The following LAMA2 variants were observed in gnomAD, a reference collection of about 807,000 sequenced individuals.
LAMA2 encodes laminin subunit alpha 2.
LAMA2 carries 269 observed loss-of-function variants against 364.8 expected under a neutral mutation model. The observed-to-expected ratio is 0.74, with a 90% CI of 0.67 to 0.82. The LOEUF is 0.82. Ranked by LOEUF, LAMA2 falls within the 40% of genes least tolerant of loss-of-function variation. LAMA2 has a pLI of 0.00. For missense variants in LAMA2, 3,807 were observed against 3,873.2 expected (o/e 0.98, Z 0.45); for synonymous variants, 1,379 against 1,370.6 (o/e 1.01, Z -0.14).
chr6:129,327,814 G>C (rs902416534), intron 28 of LAMA2, among the ~76,000 whole-genome samples: 2 of 152,064 alleles, frequency 1.3e-5, no homozygotes, highest in African/African-American at 4.8e-5. Context: ...TACTTTTATA[G>C]TCTTTAAATT....
intron 1 of LAMA2, among the ~76,000 whole-genome samples, chr6:128,903,011 C>G (rs1308580757): frequency 6.6e-6 from 1 of 152,036 alleles, no homozygotes; most frequent in Non-Finnish European, 1.5e-5. Flanking sequence ...TGTATTATTT[C>G]ATATTAACAC....
At chr6:129,473,484 C>A in intron 52 of LAMA2, 132 bp downstream of exon 52, 2 of 780,510 alleles carry the variant, frequency 2.6e-6, no homozygotes, top group Admixed American at 2.3e-5. Context: ...TAATCAAAAA[C>A]ATCATGTTGC....
intron 1 of LAMA2, among the ~76,000 whole-genome samples, chr6:129,012,645 C>T (rs891982045): frequency 6.6e-6 from 1 of 152,142 alleles, no homozygotes; most frequent in African/African-American, 2.4e-5. Context: ...CAAGAATATT[C>T]TGTATCTTTT....
chr6:129,465,124 G>T lies in LAMA2; in HGVS notation c.7156-21G>T, dbSNP rs77457449. ...CTTCTCTGTGTATCTAACCACTGGGGTATGTTTACTCTATTAATAGAGAGA... is the reference window on the plus strand; with the variant it reads ...CTTCTCTGTGTATCTAACCACTGGGTTATGTTTACTCTATTAATAGAGAGA... On this transcript the variant is annotated intron_variant, in intron 50 of 64. Transcript: ENST00000421865. 3,548 of 1,595,168 alleles carry T rather than the reference G, an allele frequency of 2.2e-3. 60 individuals carry two copies. The African/African-American group carries it at 0.04, about 18-fold the overall frequency.
At chr6:129,458,431 A>G (rs1343187231) in intron 48 of LAMA2, among the ~76,000 whole-genome samples, 1 of 152,120 alleles carries the variant, frequency 6.6e-6, no homozygotes, top group African/African-American at 2.4e-5. Flanking sequence ...AAGAATTTCA[A>G]GACTACTGCC....
In LAMA2 at chr6:129,143,909, C is replaced by G. The variant is rs1778269854; in HGVS notation, c.648C>G (p.Ile216Met). The G allele has an allele frequency of 1.3e-6, 2 of 1,595,746 alleles. No individual in the cohort carries two copies. Among genetic ancestry groups the G allele is most frequent in the Non-Finnish European group, 1.7e-6 (2 of 1,164,706 alleles). The change falls in exon 5 of 65, where the codon ATC (isoleucine) becomes ATG (methionine). Residue 216 changes from isoleucine (I) to methionine (M), a missense_variant. Ile to Met is a conservative substitution (Grantham distance 10, BLOSUM62 1). Coordinates refer to ENST00000421865, the MANE Select transcript of LAMA2 (RefSeq NM_000426.4). ...TTTTTCATATTGTGTAGATTCACAT[C>G]TCTTTAATCAATGGGAGACCAAGTG... ...IHPLENGEIH[I>M]SLINGRPSAD...
intron 10 of LAMA2, among the ~76,000 whole-genome samples, chr6:129,183,008 T>G (rs956452159): frequency 6.6e-6 from 1 of 151,962 alleles, no homozygotes; most frequent in East Asian, 1.9e-4. Flanking sequence ...ATTATTACAT[T>G]TTACACATAA....
chr6:129,459,084 A>C (rs73777422), intron 48 of LAMA2, among the ~76,000 whole-genome samples: 2,080 of 152,012 alleles, frequency 0.014, 55 homozygotes, highest in African/African-American at 0.048. Context: ...AAACATCATA[A>C]AGTGTACAGT....
chr6:129,489,360 AC>A (rs34436703), intron 56 of LAMA2, among the ~76,000 whole-genome samples: 48,564 of 151,250 alleles, frequency 0.32, 8,347 homozygotes, highest in African/African-American at 0.46. Flanking sequence ...TCTCCCTTCC[AC>A]CCCTTCATCT....
Position 129,402,208 on chromosome 6 carries a change from CAAAAAAAAA to C in LAMA2, c.5563-105_5563-97del, listed in dbSNP as rs372396435. The C allele has an allele frequency of 8.0e-5, 36 of 448,184 alleles. No individual in the cohort carries two copies. In the East Asian group the frequency reaches 1.5e-3, roughly 18 times the overall value. 27.8% of individuals were successfully genotyped at this position (448,184 alleles called of 1,614,324 possible). A position where few individuals can be genotyped will look rare whatever the true frequency, so the allele number is the denominator to read the frequency against. ...TGGGTGACAGAGCAAGACTCTGTCT[CAAAAAAAAA>C]AAAAAAAAAACTAAACTAAACGTGT... On this transcript the variant is annotated intron_variant, in intron 38 of 64. Coordinates refer to ENST00000421865, the MANE Select transcript of LAMA2 (RefSeq NM_000426.4).
At position 129,452,151 on chromosome 6, in the gene LAMA2, A is replaced by G. The variant is rs1782706262; in HGVS notation, c.6430-837A>G. Among the ~76,000 whole-genome samples the G allele has an allele frequency of 4.6e-5, 7 of 152,286 alleles. No homozygotes were observed. In the South Asian group the frequency reaches 1.2e-3, roughly 27 times the overall value. ...CAACTATTTTGCTATCCTGAAAGTAACCCTTTGATGGTGATTTTCCATCTG... is the reference window on the plus strand; with the variant it reads ...CAACTATTTTGCTATCCTGAAAGTAGCCCTTTGATGGTGATTTTCCATCTG... On this transcript the variant is annotated intron_variant, in intron 45 of 64. Transcript: ENST00000421865.
intron 1 of LAMA2, among the ~76,000 whole-genome samples, chr6:128,920,990 G>A (rs1320133435): frequency 6.6e-6 from 1 of 152,166 alleles, no homozygotes; most frequent in African/African-American, 2.4e-5. Flanking sequence ...TTCCATTTCT[G>A]ATCATCGATC....
intron 7 of LAMA2, 127 bp downstream of exon 7, chr6:129,149,223 C>G (rs181710681): frequency 7.0e-5 from 51 of 724,564 alleles, no homozygotes; most frequent in Non-Finnish European, 1.3e-4. Context: ...ATTATCACTT[C>G]GAAGACAACC....
chr6:129,053,819 G>T (rs1788268758), intron 2 of LAMA2, among the ~76,000 whole-genome samples: 1 of 152,170 alleles, frequency 6.6e-6, no homozygotes, highest in South Asian at 2.1e-4. Context: ...GAAATATTCT[G>T]TCAAGTATCC....
At chr6:129,366,418 G>T (rs1777781897) in intron 33 of LAMA2, 57 bp downstream of exon 33, 1 of 1,588,440 alleles carries the variant, frequency 6.3e-7, no homozygotes, top group African/African-American at 1.3e-5. Context: ...AGCTTCACAA[G>T]CGGTATTGGC....
rs754583178 is a variant in LAMA2, at chr6:129,291,698, G to C, written c.2834G>C (p.Gly945Ala). Reference sequence around the variant, plus strand: ...TGTGAGTGCAGAGCCAACGTTCAGGGTCAGAGATGTGACAAATGCAAGGTA... The same window carrying C: ...TGTGAGTGCAGAGCCAACGTTCAGGCTCAGAGATGTGACAAATGCAAGGTA... ...GQCECRANVQ[G>A]QRCDKCKAGT... Residue 945 changes from glycine (G) to alanine (A), a missense_variant, in exon 20 of 65, where the codon GGT becomes GCT. Physicochemically the swap from Gly to Ala is moderately conservative, Grantham distance 60. Transcript: ENST00000421865. The C allele has an allele frequency of 6.2e-7, 1 of 1,613,664 alleles. No individual in the cohort carries two copies. Among genetic ancestry groups the C allele is most frequent in the East Asian group, 2.2e-5 (1 of 44,860 alleles).
intron 1 of LAMA2, among the ~76,000 whole-genome samples, chr6:128,916,083 G>A (rs1778294863): frequency 6.6e-6 from 1 of 152,066 alleles, no homozygotes; most frequent in South Asian, 2.1e-4. Context: ...TCTAACTGCT[G>A]TGCTGTTCTT....
chr6:129,374,050 AG>A, intron 34 of LAMA2, among the ~76,000 whole-genome samples: 1 of 152,294 alleles, frequency 6.6e-6, no homozygotes, highest in African/African-American at 2.4e-5. Context: ...GAGAAGGGGG[AG>A]GAAATGTAAA....
intron 1 of LAMA2, among the ~76,000 whole-genome samples, chr6:128,985,545 C>A (rs1233253862): frequency 2.0e-5 from 3 of 152,078 alleles, no homozygotes; most frequent in Non-Finnish European, 2.9e-5. Context: ...GCTTAAAAAT[C>A]TGACATTGAT....
Sources: gnomAD v4.1 joint callset for allele counts (sites outside exome capture counted in the v4.1 genomes callset) on GRCh38, gnomAD v4.1.1 for gene constraint, MANE v1.5 for transcripts, NCBI Gene and HGNC (gene_info 2026-07-23, HGNC 2026-07-21) for gene names.